RASIP1: variants seen among roughly 807,000 people sequenced by gnomAD.
The protein encoded by RASIP1 is ras-interacting protein 1.
A neutral mutation model predicts 85.3 loss-of-function variants in RASIP1; 20 were observed. The observed-to-expected ratio is 0.23, with a 90% CI of 0.17 to 0.34. The LOEUF (loss-of-function observed/expected upper bound fraction) is 0.34. Ranked by LOEUF, RASIP1 falls within the 10% of genes least tolerant of loss-of-function variation. RASIP1 has a pLI of 1.00. For synonymous variants in RASIP1, 617 were observed against 647.1 expected (o/e 0.95, Z 0.71); for missense variants, 1,170 against 1,390.9 (o/e 0.84, Z 2.53).
At chr19:48,721,479 G>C (rs1014014111) in intron 11 of RASIP1, among the ~76,000 whole-genome samples, 6 of 152,126 alleles carry the variant, frequency 3.9e-5, no homozygotes, top group African/African-American at 1.4e-4. Context: ...TCTGGGGTTA[G>C]AAGGAGACTG....
Position 48,739,017 on chromosome 19 carries a change from C to T in RASIP1, c.766G>A (p.Gly256Ser). ...TCCAGGCGCCGCGCCTCCTCGCGGC[C>T]GCGCAACTCGAAGCGCCGCGCCCAG... is the stretch of plus-strand genomic sequence containing the variant. ...PGWARRFELR[G>S]REEARRLEQE... The change falls in exon 3 of 12, where the codon GGC becomes AGC. Residue 256 changes from glycine (G) to serine (S), a missense_variant. By Grantham distance (56) the Gly-to-Ser change is moderately conservative. Around this residue, in one of 4 missense-constraint regions of RASIP1, gnomAD observed 301 missense variants for 294.8 expected, o/e 1.02. Coordinates refer to ENST00000222145, the MANE Select transcript of RASIP1 (RefSeq NM_017805.3). The surrounding 1 kb of genome is among the most constrained non-coding windows in gnomAD (Gnocchi z 9.2). The T allele has an allele frequency of 8.0e-7, 1 of 1,245,726 alleles. No homozygotes were observed. The highest frequency in any genetic ancestry group is 1.0e-6 in the Non-Finnish European group (1 of 998,704). 77.2% of individuals were successfully genotyped at this position (1,245,726 alleles called of 1,614,324 possible).
intron 6 of RASIP1, 108 bp downstream of exon 6, chr19:48,727,285 A>AT: frequency 1.3e-6 from 2 of 1,544,206 alleles, no homozygotes; most frequent in Non-Finnish European, 1.8e-6. Flanking sequence ...GTTGAGCGCA[A>AT]GGAGAAGCAG....
At position 48,735,510 on chromosome 19, in the gene RASIP1, G is replaced by A; in HGVS notation, c.865C>T (p.Arg289Trp). The change falls in exon 4 of 12, where the codon CGG becomes TGG. Residue 289 changes from arginine (R) to tryptophan (W), a missense_variant. This residue lies in a region of RASIP1 where 301 missense variants were observed against 294.8 expected (regional missense o/e 1.02). Transcript: ENST00000222145. ...PSWRPQKNRSRAASGGAALAS... is the reference protein window; with the variant it reads ...PSWRPQKNRSWAASGGAALAS... Reference sequence around the variant, plus strand: ...AGCGCTGCCCCACCCGACGCCGCCCGGGAGCGGTTCTTCTGTGGCCGCCAC... The same window carrying A: ...AGCGCTGCCCCACCCGACGCCGCCCAGGAGCGGTTCTTCTGTGGCCGCCAC... The A allele has an allele frequency of 6.5e-7, 1 of 1,549,652 alleles. No individual in the cohort carries two copies. The highest frequency in any genetic ancestry group is 8.7e-7 in the Non-Finnish European group (1 of 1,146,334).
Position 48,729,298 on chromosome 19 carries a change from C to T in RASIP1, c.1472G>A (p.Arg491His). The change falls in exon 5 of 12, where the codon CGC becomes CAC. Residue 491 changes from arginine (R) to histidine (H), a missense_variant. Coordinates refer to ENST00000222145, the MANE Select transcript of RASIP1 (RefSeq NM_017805.3). ...EHFLFMYKDP[R>H]TGGSGPARPP... ...CCTCGCAGGCCCCGAGCCCCCAGTG[C>T]GGGGGTCCTTGTACATGAACAGGAA... 1 of 1,553,496 alleles carries T rather than the reference C, an allele frequency of 6.4e-7. No individual in the cohort carries two copies. The highest frequency in any genetic ancestry group is 8.7e-7 in the Non-Finnish European group (1 of 1,149,250).
chr19:48,734,511 A>C, intron 4 of RASIP1, among the ~76,000 whole-genome samples: 1 of 137,660 alleles, frequency 7.3e-6, no homozygotes, highest in African/African-American at 2.8e-5. Context: ...TTTTTGAGAC[A>C]GAGTCTTGCT....
In RASIP1 at chr19:48,729,352, G is replaced by C; in HGVS notation, c.1418C>G (p.Pro473Arg). 1 of 1,559,842 alleles carries C rather than the reference G, an allele frequency of 6.4e-7. No homozygotes were observed. The highest frequency in any genetic ancestry group is 1.4e-5 in the African/African-American group (1 of 73,792). The change falls in exon 5 of 12, where the codon CCG becomes CGG. Residue 473 changes from proline (P) to arginine (R), a missense_variant. Transcript: ENST00000222145. The part of the protein sequence containing the change: ...CLLLREAELH[P>R]GDLLGLGEHF... ...CTCGCCCAGCCCCAGGAGGTCGCCC[G>C]GGTGCAGCTCAGCCTCCCGCAGCAG...
At chr19:48,722,522 A>G (rs1451030862) in intron 10 of RASIP1, among the ~76,000 whole-genome samples, 1 of 151,914 alleles carries the variant, frequency 6.6e-6, no homozygotes, top group Non-Finnish European at 1.5e-5. Context: ...GGATCTCACT[A>G]TGCTGCCCAG....
In RASIP1 at chr19:48,735,363, G is replaced by A; in HGVS notation, c.1012C>T (p.Arg338Trp). The change falls in exon 4 of 12, where the codon CGG becomes TGG. Residue 338 changes from arginine to tryptophan, a missense_variant. Physicochemically the swap from Arg to Trp is moderately radical, Grantham distance 101. Coordinates refer to ENST00000222145, the MANE Select transcript of RASIP1 (RefSeq NM_017805.3). ...SELSLQGRRR[R>W]QQERRQQALS... Reference sequence around the variant, plus strand: ...GCCTGCTGTCTCCGCTCCTGCTGCCGCCGCCGCCGCCCCTGAAGGCTAAGC... The same window carrying A: ...GCCTGCTGTCTCCGCTCCTGCTGCCACCGCCGCCGCCCCTGAAGGCTAAGC... 6.2e-7 allele frequency: 1 copy of A among 1,612,796 alleles called. No individual in the cohort carries two copies. The highest frequency in any genetic ancestry group is 8.5e-7 in the Non-Finnish European group (1 of 1,179,810).
chr19:48,726,173 C>T (rs1354592609), intron 8 of RASIP1, among the ~76,000 whole-genome samples: 3 of 152,220 alleles, frequency 2.0e-5, no homozygotes, highest in Non-Finnish European at 2.9e-5. Context: ...GGTCTGCCCA[C>T]CTTGGCCTCC....
Position 48,729,051 on chromosome 19 carries a change from G to A in RASIP1, c.1719C>T (p.Leu573=), listed in dbSNP as rs1433975163. 2.2e-5 allele frequency: 31 copies of A among 1,399,052 alleles called. No homozygotes were observed. The highest frequency in any genetic ancestry group is 1.8e-4 in the Admixed American group (5 of 27,216). The allele number at this position is 1,399,052 out of a possible 1,614,324, so 86.7% of individuals were successfully genotyped here. Residue 573 remains leucine (L), a synonymous_variant, in exon 5 of 12, where the codon CTC becomes CTT. Coordinates refer to ENST00000222145, the MANE Select transcript of RASIP1 (RefSeq NM_017805.3). ...ACAGCGCCAGCAGCGTGGCGGGCCC[G>A]AGGGGCGGCAGGTCTCCCGAGCCGG... ...AAAGSGDLPP[L]GPATLLALCV... is the part of the protein sequence containing the mutation.
chr19:48,737,271 G>T (rs1239933484), intron 3 of RASIP1, among the ~76,000 whole-genome samples: 1 of 152,108 alleles, frequency 6.6e-6, no homozygotes, highest in African/African-American at 2.4e-5. Flanking sequence ...AGAATGGGTT[G>T]GAATTCAAAC....
At position 48,720,842 on chromosome 19, in the gene RASIP1, G is replaced by C. The variant is rs748036865; in HGVS notation, c.2848C>G (p.Pro950Ala). 1 of 1,614,102 alleles carries C rather than the reference G, an allele frequency of 6.2e-7. No homozygotes were observed. Among genetic ancestry groups the C allele is most frequent in the Admixed American group, 1.7e-5 (1 of 60,034 alleles). ...LLWDLEQQELPANYRHGPPVA... is the reference protein window; with the variant it reads ...LLWDLEQQELAANYRHGPPVA... ...GGAGGCCCATGGCGATAATTGGCTG[G>C]CAGCTCCTGCTGCTCAAGATCCCAG... Residue 950 changes from proline to alanine, a missense_variant, in exon 12 of 12, where the codon CCA (proline) becomes GCA (alanine). By Grantham distance (27) the Pro-to-Ala change is conservative (BLOSUM62 -1). Coordinates refer to ENST00000222145, the MANE Select transcript of RASIP1 (RefSeq NM_017805.3).
chr19:48,737,434 G>A, intron 3 of RASIP1: 1 of 984,580 alleles, frequency 1.0e-6, no homozygotes. Flanking sequence ...ACCACCAGCT[G>A]TTTGACCATT....
In RASIP1 at chr19:48,735,362, C is replaced by T; in HGVS notation, c.1013G>A (p.Arg338Gln). The T allele has an allele frequency of 1.9e-6, 3 of 1,611,702 alleles. No individual in the cohort carries two copies. The highest frequency in any genetic ancestry group is 2.5e-6 in the Non-Finnish European group (3 of 1,179,376). Reference sequence around the variant, plus strand: ...TGCCTGCTGTCTCCGCTCCTGCTGCCGCCGCCGCCGCCCCTGAAGGCTAAG... The same window carrying T: ...TGCCTGCTGTCTCCGCTCCTGCTGCTGCCGCCGCCGCCCCTGAAGGCTAAG... ...SELSLQGRRRRQQERRQQALS... is the reference protein window; with the variant it reads ...SELSLQGRRRQQQERRQQALS... The change falls in exon 4 of 12, where the codon CGG (arginine) becomes CAG (glutamine). Residue 338 changes from arginine (R) to glutamine (Q), a missense_variant. Around this residue, in one of 4 missense-constraint regions of RASIP1, gnomAD observed 301 missense variants for 294.8 expected, o/e 1.02. Transcript: ENST00000222145.
chr19:48,726,090 C>T (rs2033337652), intron 8 of RASIP1, among the ~76,000 whole-genome samples: 1 of 152,034 alleles, frequency 6.6e-6, no homozygotes, highest in African/African-American at 2.4e-5. Context: ...CCATACCCAG[C>T]TAATTTTTGT....
In RASIP1 at chr19:48,740,039, A is replaced by T; in HGVS notation, c.137+107T>A. On this transcript the variant is annotated intron_variant, in intron 2 of 11. Transcript: ENST00000222145. The surrounding 1 kb of genome is among the most constrained non-coding windows in gnomAD (Gnocchi z 5.5). ...CCCTGCCCACCAGCTCGTTTGCCCA[A>T]TTCAGGATGAGGACCGGAGCCAACA... 7.1e-7 allele frequency: 1 copy of T among 1,402,748 alleles called. No homozygotes were observed. The highest frequency in any genetic ancestry group is 9.4e-7 in the Non-Finnish European group (1 of 1,063,500). 86.9% of individuals were successfully genotyped at this position (1,402,748 alleles called of 1,614,324 possible).
At position 48,729,166 on chromosome 19, in the gene RASIP1, G is replaced by A. The variant is rs1319785285; in HGVS notation, c.1604C>T (p.Ala535Val). ...RGLQERGEAL[A>V]AYLDGREPVL... ...TGGCTCACGGCCGTCCAGGTAGGCG[G>A]CCAGTGCCTCGCCGCGCTCCTGCAG... The change falls in exon 5 of 12, where the codon GCC becomes GTC. Residue 535 changes from alanine to valine, a missense_variant. This residue lies in a region of RASIP1 where 426 missense variants were observed against 576.2 expected (regional missense o/e 0.74). Transcript: ENST00000222145. 3.1e-6 allele frequency: 4 copies of A among 1,303,426 alleles called. No individual in the cohort carries two copies. Among genetic ancestry groups the A allele is most frequent in the South Asian group, 1.9e-5 (1 of 53,578 alleles). The allele number at this position is 1,303,426 out of a possible 1,614,324, so 80.7% of individuals were successfully genotyped here. A position where few individuals can be genotyped will look rare whatever the true frequency, so the allele number is the denominator to read the frequency against.
chr19:48,730,021 C>T (rs1286383692), intron 4 of RASIP1, among the ~76,000 whole-genome samples: 4 of 151,970 alleles, frequency 2.6e-5, no homozygotes, highest in South Asian at 2.1e-4. Flanking sequence ...GGCCCCCCAC[C>T]GACTTTGAAT....
rs1461934032 is a variant in RASIP1, at chr19:48,729,169, A to G, written c.1601T>C (p.Leu534Pro). 1 of 1,298,728 alleles carries G rather than the reference A, an allele frequency of 7.7e-7. No individual in the cohort carries two copies. Among genetic ancestry groups the G allele is most frequent in the East Asian group, 3.7e-5 (1 of 27,082 alleles). 80.5% of individuals were successfully genotyped at this position (1,298,728 alleles called of 1,614,324 possible). Reference sequence around the variant, plus strand: ...CTCACGGCCGTCCAGGTAGGCGGCCAGTGCCTCGCCGCGCTCCTGCAGGCC... The same window carrying G: ...CTCACGGCCGTCCAGGTAGGCGGCCGGTGCCTCGCCGCGCTCCTGCAGGCC... ...GRGLQERGEA[L>P]AAYLDGREPV... Residue 534 changes from leucine (L) to proline (P), a missense_variant, in exon 5 of 12, where the codon CTG becomes CCG. Physicochemically the swap from Leu to Pro is moderately conservative, Grantham distance 98. Around this residue, in one of 4 missense-constraint regions of RASIP1, gnomAD observed 426 missense variants for 576.2 expected, o/e 0.74. Transcript: ENST00000222145.
Sources: gnomAD v4.1 joint callset for allele counts (sites outside exome capture counted in the v4.1 genomes callset) on GRCh38, gnomAD v4.1.1 for gene constraint, gnomAD v4.1.1 regional missense constraint, Gnocchi (gnomAD v3.1) non-coding constraint, MANE v1.5 for transcripts, NCBI Gene and HGNC (gene_info 2026-07-23, HGNC 2026-07-21) for gene names.